Variants in NCAM2 observed in about 807,000 individuals in gnomAD.
The protein encoded by NCAM2 is neural cell adhesion molecule 2.
In NCAM2, 30 loss-of-function variants were observed where a neutral mutation model predicts 98.1. The observed-to-expected ratio is 0.31, with a 90% CI of 0.23 to 0.41. The LOEUF (loss-of-function observed/expected upper bound fraction) is 0.41, where lower values mean the gene tolerates loss of function less well. Among genes scored for constraint, NCAM2 ranks in the 10% least tolerant of loss-of-function variants. The probability of loss-of-function intolerance (pLI) is 1.00; values close to 1 mark genes in which losing one functional copy is unlikely to be tolerated. For synonymous variants in NCAM2, 368 were observed against 342.4 expected (o/e 1.07, Z -0.83); for missense variants, 867 against 1,005.8 (o/e 0.86, Z 1.87).
At chr21:21,137,602 T>C (rs371080016) in intron 1 of NCAM2, among the ~76,000 whole-genome samples, 5 of 152,060 alleles carry the variant, frequency 3.3e-5, no homozygotes, top group African/African-American at 7.2e-5. Context: ...CTACTAAAAA[T>C]ACAAAACTAG....
chr21:21,276,839 C>A (rs932622527), intron 1 of NCAM2, among the ~76,000 whole-genome samples: 1 of 151,812 alleles, frequency 6.6e-6, no homozygotes, highest in Non-Finnish European at 1.5e-5. Flanking sequence ...GCCCATTCAC[C>A]AAAATGTCCA....
At chr21:21,466,889 A>G (rs1432201709) in intron 13 of NCAM2, among the ~76,000 whole-genome samples, 164 bp downstream of exon 13, 1 of 152,074 alleles carries the variant, frequency 6.6e-6, no homozygotes, top group African/African-American at 2.4e-5. Context: ...TATTAACATA[A>G]AAATAACTTT....
At chr21:21,119,201 G>A (rs1336360101) in intron 1 of NCAM2, among the ~76,000 whole-genome samples, 2 of 151,930 alleles carry the variant, frequency 1.3e-5, no homozygotes, top group Admixed American at 6.6e-5. Context: ...GTTCTCCTTA[G>A]CATAATGATT....
At chr21:21,198,184 ATGTGTGTG>A (rs10600265) in intron 1 of NCAM2, among the ~76,000 whole-genome samples, 5,124 of 146,252 alleles carry the variant, frequency 0.035, 106 homozygotes, top group African/African-American at 0.058. Context: ...TGTAAAGTAT[ATGTGTGTG>A]TGTGTGTGTG....
intron 1 of NCAM2, among the ~76,000 whole-genome samples, chr21:21,021,121 A>G (rs1459454932): frequency 6.6e-6 from 1 of 152,146 alleles, no homozygotes; most frequent in Non-Finnish European, 1.5e-5. Flanking sequence ...AATTTATTGC[A>G]TTCTTCTCTT....
intron 15 of NCAM2, among the ~76,000 whole-genome samples, chr21:21,494,404 TAAAC>T (rs1987068458): frequency 6.6e-6 from 1 of 151,922 alleles, no homozygotes; most frequent in African/African-American, 2.4e-5. Flanking sequence ...GGTGGGGGCT[TAAAC>T]AAAGAACTAA....
intron 1 of NCAM2, among the ~76,000 whole-genome samples, chr21:21,255,546 T>A (rs1438760993): frequency 6.6e-6 from 1 of 152,218 alleles, no homozygotes; most frequent in Non-Finnish European, 1.5e-5. Flanking sequence ...ATTGTAAAAA[T>A]CTTTCAAACT....
intron 1 of NCAM2, among the ~76,000 whole-genome samples, chr21:21,030,688 A>C (rs917924452): frequency 2.6e-5 from 4 of 152,200 alleles, no homozygotes; most frequent in African/African-American, 9.7e-5. Context: ...CTTCCTTTTA[A>C]AATGAGTGGT....
At chr21:21,270,996 T>G (rs1434014573) in intron 1 of NCAM2, among the ~76,000 whole-genome samples, 1 of 152,116 alleles carries the variant, frequency 6.6e-6, no homozygotes, top group East Asian at 1.9e-4. Flanking sequence ...ATTGGCCTCT[T>G]TTGGACATCA....
chr21:21,198,855 A>G (rs73334373), intron 1 of NCAM2, among the ~76,000 whole-genome samples: 2,576 of 152,282 alleles, frequency 0.017, 73 homozygotes, highest in African/African-American at 0.06. Context: ...GAAGCATTCA[A>G]GAGAGTTTTT....
At chr21:21,018,994 T>C (rs1029143777) in intron 1 of NCAM2, among the ~76,000 whole-genome samples, 2 of 152,236 alleles carry the variant, frequency 1.3e-5, no homozygotes, top group African/African-American at 4.8e-5. Context: ...GTCATTGAAG[T>C]ATTCTGGCTG....
At chr21:21,050,122 A>G (rs1205568494) in intron 1 of NCAM2, among the ~76,000 whole-genome samples, 2 of 149,318 alleles carry the variant, frequency 1.3e-5, no homozygotes, top group African/African-American at 5.0e-5. Context: ...TTTCACATTA[A>G]GCACTGTAAA....
intron 12 of NCAM2, among the ~76,000 whole-genome samples, chr21:21,460,443 T>C (rs2826849): frequency 0.49 from 73,528 of 151,602 alleles, 18,711 homozygotes; most frequent in East Asian, 0.96. Flanking sequence ...TAGGATCAGA[T>C]AGGACTTGAA....
chr21:21,193,500 T>A (rs2068895537), intron 1 of NCAM2, among the ~76,000 whole-genome samples: 1 of 145,868 alleles, frequency 6.9e-6, no homozygotes, highest in South Asian at 2.2e-4. Flanking sequence ...TCCTTTTTTT[T>A]TTTTTTTTTT....
chr21:21,003,360 T>C (rs184982287), intron 1 of NCAM2, among the ~76,000 whole-genome samples: 84 of 152,302 alleles, frequency 5.5e-4, no homozygotes, highest in Non-Finnish European at 9.9e-4. Flanking sequence ...TTGGCTCCAT[T>C]TGATTTATTA....
intron 1 of NCAM2, among the ~76,000 whole-genome samples, chr21:21,258,030 T>C (rs1042048092): frequency 2.0e-5 from 3 of 152,232 alleles, no homozygotes; most frequent in Non-Finnish European, 2.9e-5. Context: ...AGTTTCCTAA[T>C]GCCTTGAACT....
intron 5 of NCAM2, among the ~76,000 whole-genome samples, chr21:21,316,157 A>G (rs372537868): frequency 2.0e-5 from 3 of 152,308 alleles, no homozygotes; most frequent in East Asian, 3.9e-4. Flanking sequence ...TTAATGGGAT[A>G]AAAAGTAAAA....
In NCAM2 at chr21:21,005,200, T is replaced by C. The variant is rs2064089473; in HGVS notation, c.55+6582T>C. On this transcript the variant is annotated intron_variant, in intron 1 of 17. Coordinates refer to ENST00000400546, the MANE Select transcript of NCAM2 (RefSeq NM_004540.5). ...TTGTTTGGGCAGGAGAGTAACATGG[T>C]TAAATTTTGGTTTGTTTTTAAGTCT... 2.6e-5 allele frequency among the ~76,000 whole-genome samples: 4 copies of C among 152,102 alleles called. No homozygotes were observed. In the South Asian group the frequency reaches 8.3e-4, roughly 31 times the overall value.
At chr21:21,468,813 C>T (rs1407631980) in intron 14 of NCAM2, 30 bp downstream of exon 14, 1 of 1,579,002 alleles carries the variant, frequency 6.3e-7, no homozygotes, top group Admixed American at 1.7e-5. Context: ...TCATATCATG[C>T]TAGGTTTTTT....
Sources: gnomAD v4.1 joint callset for allele counts (sites outside exome capture counted in the v4.1 genomes callset) on GRCh38, gnomAD v4.1.1 for gene constraint, MANE v1.5 for transcripts, NCBI Gene and HGNC (gene_info 2026-07-23, HGNC 2026-07-21) for gene names.